C8A: variants seen among roughly 807,000 people sequenced by gnomAD.
The protein encoded by C8A is complement component C8 alpha chain.
A neutral mutation model predicts 65.3 loss-of-function variants in C8A; 67 were observed. The observed-to-expected ratio is 1.03, with a 90% CI of 0.84 to 1.26. The LOEUF is 1.26. Among genes scored for constraint, C8A ranks in the 50% most tolerant of loss-of-function variants. The pLI is 0.00. For missense variants in C8A, 781 were observed against 723.9 expected (o/e 1.08, Z -0.90); for synonymous variants, 290 against 259.4 (o/e 1.12, Z -1.13).
At position 56,917,645 on chromosome 1, in the gene C8A, T is replaced by C. The variant is rs1321470926; in HGVS notation, c.1684T>C (p.Cys562Arg). Residue 562 changes from cysteine (C) to arginine (R), a missense_variant, in exon 11 of 11, where the codon TGT becomes CGT. Coordinates refer to ENST00000361249, the MANE Select transcript of C8A (RefSeq NM_000562.3). ...AGGCATCCAGGAAAGGAGAAGAGAG[T>C]GTGACAATCCAGCACCTCAGAATGG... Reference protein sequence around the residue: ...RAGIQERRRECDNPAPQNGGA... With the variant: ...RAGIQERRRERDNPAPQNGGA... 1.2e-6 allele frequency: 2 copies of C among 1,614,022 alleles called. No homozygotes were observed. Among genetic ancestry groups the C allele is most frequent in the Non-Finnish European group, 8.5e-7 (1 of 1,179,986 alleles).
chr1:56,903,542 C>A (rs942576452), intron 7 of C8A, among the ~76,000 whole-genome samples: 1 of 152,182 alleles, frequency 6.6e-6, no homozygotes, highest in East Asian at 1.9e-4. Context: ...TCCACCCAGC[C>A]TTTTGAGACC....
chr1:56,892,505 C>G (rs1046742397), intron 7 of C8A, among the ~76,000 whole-genome samples: 25 of 152,036 alleles, frequency 1.6e-4, no homozygotes, highest in African/African-American at 6.0e-4. Context: ...GGACTCACAG[C>G]CTGGGAAAAA....
chr1:56,897,247 G>A (rs556940773), intron 7 of C8A, among the ~76,000 whole-genome samples: 2 of 152,238 alleles, frequency 1.3e-5, no homozygotes, highest in African/African-American at 4.8e-5. Flanking sequence ...TTGTAACTGG[G>A]AGAATTGTTA....
intron 1 of C8A, among the ~76,000 whole-genome samples, chr1:56,860,011 C>T (rs1051674888): frequency 3.3e-5 from 5 of 152,254 alleles, no homozygotes; most frequent in Middle Eastern, 6.8e-3. Context: ...TGCAGGGAGC[C>T]GAGATCGTGC....
chr1:56,868,547 G>A (rs148990561), intron 2 of C8A, among the ~76,000 whole-genome samples: 4,124 of 152,184 alleles, frequency 0.027, 79 homozygotes, highest in Non-Finnish European at 0.039. Flanking sequence ...GCGCCCAGGA[G>A]TTTGAGGCTG....
At chr1:56,880,949 C>T (rs561274264) in intron 4 of C8A, among the ~76,000 whole-genome samples, 2 of 152,266 alleles carry the variant, frequency 1.3e-5, no homozygotes, top group African/African-American at 4.8e-5. Flanking sequence ...GGCTGCTGCC[C>T]TTGGATTCAT....
chr1:56,897,305 C>T (rs1294388827), intron 7 of C8A, among the ~76,000 whole-genome samples: 2 of 152,132 alleles, frequency 1.3e-5, no homozygotes, highest in Non-Finnish European at 1.5e-5. Context: ...TAAGTACAGG[C>T]ACAGAGCCAG....
In C8A at chr1:56,885,443, A is replaced by AAT. The variant is rs570023066; in HGVS notation, c.856-473_856-472dup. ...ATATATTTAAATATATATTTAAGTA[A>AAT]ATATATATATATTTCCGTAAATATA... On this transcript the variant is annotated intron_variant, in intron 6 of 10. Transcript: ENST00000361249. Among the ~76,000 whole-genome samples the AAT allele has an allele frequency of 1.8e-4, 21 of 118,922 alleles. 1 individual carries two copies. Among genetic ancestry groups the AAT allele is most frequent in the East Asian group, 9.4e-4 (4 of 4,272 alleles). The allele number at this position is 118,922 out of a possible 152,430, so 78.0% of individuals were successfully genotyped here.
intron 1 of C8A, among the ~76,000 whole-genome samples, chr1:56,857,837 C>G (rs762741708): frequency 6.6e-6 from 1 of 151,830 alleles, no homozygotes; most frequent in Non-Finnish European, 1.5e-5. Context: ...GTTTTCTGCC[C>G]CATACACTCT....
intron 10 of C8A, among the ~76,000 whole-genome samples, chr1:56,913,300 C>T (rs1644524826): frequency 6.6e-6 from 1 of 152,168 alleles, no homozygotes; most frequent in Admixed American, 6.5e-5. Context: ...TTGCCTTGAA[C>T]ATATCTTTTG....
intron 7 of C8A, among the ~76,000 whole-genome samples, chr1:56,890,892 C>A (rs1644339679): frequency 6.6e-6 from 1 of 152,032 alleles, no homozygotes. Context: ...AATCAGTAGC[C>A]CCCATACTCA....
intron 7 of C8A, among the ~76,000 whole-genome samples, chr1:56,899,320 C>T (rs1557711818): frequency 6.6e-6 from 1 of 152,136 alleles, no homozygotes; most frequent in East Asian, 1.9e-4. Flanking sequence ...GCTCTCTTTC[C>T]CATAGGCGGT....
intron 7 of C8A, among the ~76,000 whole-genome samples, chr1:56,900,647 AT>A (rs1158220664): frequency 9.8e-6 from 1 of 101,724 alleles, no homozygotes; most frequent in African/African-American, 4.1e-5. Flanking sequence ...AATATAGCAT[AT>A]TAATCTAGCA....
At chr1:56,905,094 C>T (rs1306649920) in intron 7 of C8A, among the ~76,000 whole-genome samples, 3 of 152,306 alleles carry the variant, frequency 2.0e-5, no homozygotes, top group Non-Finnish European at 4.4e-5. Flanking sequence ...AAATCTTCCC[C>T]CAATTAGTAA....
intron 8 of C8A, 88 bp downstream of exon 8, chr1:56,906,880 A>G: frequency 6.6e-7 from 1 of 1,515,620 alleles, no homozygotes. Flanking sequence ...TTTTTTTCCC[A>G]GTTGATTGCA....
chr1:56,875,170 A>ATTCCAGTGT, intron 3 of C8A, 77 bp downstream of exon 3: 1 of 1,512,158 alleles, frequency 6.6e-7, no homozygotes, highest in Non-Finnish European at 9.1e-7. Flanking sequence ...GGAGCTTATT[A>ATTCCAGTGT]AAATGCATAC....
intron 2 of C8A, among the ~76,000 whole-genome samples, chr1:56,872,413 A>G (rs1167981243): frequency 2.0e-5 from 3 of 152,164 alleles, no homozygotes; most frequent in African/African-American, 7.2e-5. Context: ...CCTTCAAATA[A>G]CATGTAACAT....
chr1:56,904,997 C>T (rs1471617241), intron 7 of C8A, among the ~76,000 whole-genome samples: 1 of 152,222 alleles, frequency 6.6e-6, no homozygotes, highest in Non-Finnish European at 1.5e-5. Context: ...CCTAAGTAAT[C>T]ACTCTGGCTT....
chr1:56,885,816 C>A, intron 6 of C8A, 111 bp from the exon 7 acceptor site: 1 of 1,457,752 alleles, frequency 6.9e-7, no homozygotes, highest in Non-Finnish European at 9.5e-7. Flanking sequence ...TCCCAAAATG[C>A]TGGGATTACA....
Sources: allele counts gnomAD v4.1 joint callset (sites outside exome capture counted in the v4.1 genomes callset), GRCh38; gene constraint gnomAD v4.1.1; transcripts MANE v1.5; gene names NCBI Gene and HGNC (gene_info 2026-07-23, HGNC 2026-07-21).